ZNG1E: variants seen among roughly 807,000 people sequenced by gnomAD.
ZNG1E encodes Zn regulated GTPase metalloprotein activator 1E.
chr9:65,729,140 G>A, the ZNG1E span, among the ~76,000 whole-genome samples: 1 of 144,860 alleles, frequency 6.9e-6, no homozygotes, highest in Non-Finnish European at 1.5e-5. Context: ...ATACTATAAG[G>A]CCATAGTCAC....
chr9:65,713,602 C>T, the ZNG1E span, among the ~76,000 whole-genome samples: 1 of 151,278 alleles, frequency 6.6e-6, no homozygotes, highest in Non-Finnish European at 1.5e-5. Context: ...TTTTATTTCT[C>T]CTTCACTTAT....
the ZNG1E span, chr9:65,723,025 TAAC>T: frequency 1.3e-5 from 5 of 399,242 alleles, no homozygotes; most frequent in African/African-American, 9.7e-5. Flanking sequence ...CTGACTTACT[TAAC>T]AAAAAATAAC....
the ZNG1E span, among the ~76,000 whole-genome samples, chr9:65,665,002 T>A: frequency 6.6e-6 from 1 of 152,246 alleles, no homozygotes; most frequent in African/African-American, 2.4e-5. Flanking sequence ...ATTCAAGAGG[T>A]GACTTGGGTG....
At chr9:65,664,931 C>A in the ZNG1E span, among the ~76,000 whole-genome samples, 1 of 152,216 alleles carries the variant, frequency 6.6e-6, no homozygotes, top group Non-Finnish European at 1.5e-5. Flanking sequence ...ATATGTGAAA[C>A]TTTTAACTTG....
the ZNG1E span, chr9:65,703,919 CT>C: frequency 1.1e-6 from 1 of 927,152 alleles, no homozygotes; most frequent in African/African-American, 2.5e-5. Context: ...GAAGAATGCC[CT>C]TTAGTGTAAG....
the ZNG1E span, among the ~76,000 whole-genome samples, chr9:65,714,891 G>A: frequency 1.3e-5 from 2 of 151,916 alleles, no homozygotes; most frequent in African/African-American, 4.9e-5. Context: ...GCCTACAGAG[G>A]CAGGCAGGCT....
the ZNG1E span, among the ~76,000 whole-genome samples, chr9:65,710,621 C>T: frequency 1.3e-5 from 2 of 152,058 alleles, no homozygotes; most frequent in African/African-American, 2.4e-5. Flanking sequence ...AATCCTTTCC[C>T]CACTGCTTGT....
At chr9:65,726,463 A>G in the ZNG1E span, among the ~76,000 whole-genome samples, 1 of 73,672 alleles carries the variant, frequency 1.4e-5, no homozygotes, top group Non-Finnish European at 2.9e-5. Flanking sequence ...GCATCAGAGA[A>G]AGGTGAAGCC....
chr9:65,671,521 C>T, the ZNG1E span, among the ~76,000 whole-genome samples: 3 of 151,972 alleles, frequency 2.0e-5, no homozygotes, highest in Non-Finnish European at 4.4e-5. Context: ...GGTTTTGCCA[C>T]GTTGGCCAAG....
At chr9:65,658,116 A>C in the ZNG1E span, among the ~76,000 whole-genome samples, 122 of 129,250 alleles carry the variant, frequency 9.4e-4, no homozygotes, top group African/African-American at 3.5e-3. Flanking sequence ...AAAAAAAAAA[A>C]CTTATGTTCC....
At chr9:65,687,432 G>C in the ZNG1E span, among the ~76,000 whole-genome samples, 1 of 151,886 alleles carries the variant, frequency 6.6e-6, no homozygotes, top group Non-Finnish European at 1.5e-5. Flanking sequence ...CAAAATATTT[G>C]TCTTTTGTTT....
the ZNG1E span, among the ~76,000 whole-genome samples, chr9:65,663,100 A>G: frequency 6.6e-6 from 1 of 152,246 alleles, no homozygotes; most frequent in African/African-American, 2.4e-5. Context: ...TTGCTGTTAA[A>G]TGTTTATCAG....
the ZNG1E span, among the ~76,000 whole-genome samples, chr9:65,710,488 G>C: frequency 6.6e-6 from 1 of 151,282 alleles, no homozygotes; most frequent in Admixed American, 6.6e-5. Context: ...ATGGTTTTAG[G>C]TCAAACGTTT....
chr9:65,658,383 G>T, the ZNG1E span, among the ~76,000 whole-genome samples: 4 of 151,660 alleles, frequency 2.6e-5, no homozygotes, highest in Non-Finnish European at 4.4e-5. Flanking sequence ...CTCCCAGTAA[G>T]CAGAGCAAAA....
chr9:65,715,255 C>T, the ZNG1E span, among the ~76,000 whole-genome samples: 2 of 146,010 alleles, frequency 1.4e-5, no homozygotes, highest in African/African-American at 5.3e-5. Flanking sequence ...CCTGCTTCGG[C>T]TCGCGGATGG....
chr9:65,666,908 T>C, the ZNG1E span, among the ~76,000 whole-genome samples: 1 of 152,246 alleles, frequency 6.6e-6, no homozygotes, highest in African/African-American at 2.4e-5. Flanking sequence ...GCAACCTCCA[T>C]CTCCTAGGTT....
the ZNG1E span, among the ~76,000 whole-genome samples, chr9:65,709,406 G>A: frequency 4.8e-5 from 7 of 147,204 alleles, no homozygotes; most frequent in African/African-American, 1.3e-4. Context: ...CAATGTGCAG[G>A]TTAGTTACAT....
the ZNG1E span, among the ~76,000 whole-genome samples, chr9:65,663,130 T>G: frequency 2.0e-5 from 3 of 152,386 alleles, no homozygotes; most frequent in Non-Finnish European, 4.4e-5. Flanking sequence ...CTGTTTCTGT[T>G]ATATTATATT....
chr9:65,661,233 A>T, the ZNG1E span, among the ~76,000 whole-genome samples: 3 of 126,520 alleles, frequency 2.4e-5, no homozygotes, highest in Non-Finnish European at 4.8e-5. Context: ...CCGGAAGAAA[A>T]TAATTTTAAA....
Sources: gnomAD v4.1 joint callset for allele counts (sites outside exome capture counted in the v4.1 genomes callset) on GRCh38, gnomAD v4.1.1 for gene constraint, MANE v1.5 for transcripts, NCBI Gene and HGNC (gene_info 2026-07-23, HGNC 2026-07-21) for gene names.